The following TXNRD1 variants were observed in gnomAD, a reference collection of about 807,000 sequenced individuals.
TXNRD1 encodes thioredoxin reductase 1, cytoplasmic.
In TXNRD1, 57 loss-of-function variants were observed where a neutral mutation model predicts 80.3. That is an observed-to-expected ratio of 0.71 (90% confidence interval 0.57 to 0.89). The LOEUF (loss-of-function observed/expected upper bound fraction) is 0.89, where lower values mean the gene tolerates loss of function less well. TXNRD1 is among the 40% of genes least tolerant of loss of function. The pLI, the probability that TXNRD1 is intolerant of heterozygous loss-of-function variation, is 0.00. For synonymous variants in TXNRD1, 291 were observed against 285.2 expected (o/e 1.02, Z -0.20); for missense variants, 730 against 803.0 (o/e 0.91, Z 1.10).
intron 15 of TXNRD1, among the ~76,000 whole-genome samples, chr12:104,338,585 T>C (rs960360280): frequency 6.1e-5 from 9 of 148,286 alleles, no homozygotes; most frequent in African/African-American, 1.7e-4. Context: ...TAGTCCCAGC[T>C]ACTCGGGAGG....
At chr12:104,294,350 G>A (rs751598997) in intron 4 of TXNRD1, among the ~76,000 whole-genome samples, 62 of 151,784 alleles carry the variant, frequency 4.1e-4, no homozygotes, top group South Asian at 8.4e-4. Context: ...CCAGATGCTG[G>A]CATCACCGCT....
chr12:104,314,016 G>A lies in TXNRD1; in HGVS notation c.610+699G>A, dbSNP rs886752647. Among the ~76,000 whole-genome samples the A allele has an allele frequency of 2.0e-5, 3 of 152,238 alleles. No homozygotes were observed. In the South Asian group the frequency reaches 6.2e-4, roughly 32 times the overall value. On this transcript the variant is annotated intron_variant, in intron 6 of 16. Transcript: ENST00000525566. Reference sequence around the variant, plus strand: ...GAGAATGAGCCAGCTGTCAAAAGGTGAGGCAGAACCTTCCAGGCAGCTTCT... The same window carrying A: ...GAGAATGAGCCAGCTGTCAAAAGGTAAGGCAGAACCTTCCAGGCAGCTTCT...
intron 1 of TXNRD1, among the ~76,000 whole-genome samples, chr12:104,218,391 G>T (rs60903309): frequency 6.6e-6 from 1 of 151,866 alleles, no homozygotes; most frequent in Admixed American, 6.6e-5. Context: ...TACAAACGAA[G>T]TATATGCATG....
chr12:104,315,785 G>A lies in TXNRD1; in HGVS notation c.619G>A (p.Gly207Arg). 6.2e-7 allele frequency: 1 copy of A among 1,611,680 alleles called. No individual in the cohort carries two copies. Among genetic ancestry groups the A allele is most frequent in the Non-Finnish European group, 8.5e-7 (1 of 1,178,484 alleles). ...TPLGTRWGLGGTCVNVGCIPK... is the reference protein window; with the variant it reads ...TPLGTRWGLGRTCVNVGCIPK... Reference sequence around the variant, plus strand: ...TCTCAATGTTGTTGTAGGTCTCGGAGGAACATGTGTGAATGTGGGTTGCAT... The same window carrying A: ...TCTCAATGTTGTTGTAGGTCTCGGAAGAACATGTGTGAATGTGGGTTGCAT... Residue 207 changes from glycine to arginine, a missense_variant, in exon 7 of 17, where the codon GGA becomes AGA. Physicochemically the swap from Gly to Arg is moderately radical, Grantham distance 125 (BLOSUM62 -2). Transcript: ENST00000525566.
At chr12:104,244,037 G>T (rs1413082740) in intron 1 of TXNRD1, among the ~76,000 whole-genome samples, 3 of 152,166 alleles carry the variant, frequency 2.0e-5, no homozygotes, top group African/African-American at 7.2e-5. Context: ...CAGTTAAGTT[G>T]CATTCCTTAT....
intron 3 of TXNRD1, among the ~76,000 whole-genome samples, chr12:104,261,442 C>T (rs1384839520): frequency 6.6e-6 from 1 of 152,166 alleles, no homozygotes; most frequent in Admixed American, 6.6e-5. Context: ...GGATTACAGG[C>T]GTGAGCCACC....
At chr12:104,308,023 TCTCA>T (rs1233985038) in intron 4 of TXNRD1, among the ~76,000 whole-genome samples, 3 of 150,166 alleles carry the variant, frequency 2.0e-5, no homozygotes, top group African/African-American at 7.4e-5. Flanking sequence ...TGAGATGGAG[TCTCA>T]CTCTGTAGCC....
chr12:104,308,984 G>A (rs182027540), intron 4 of TXNRD1, among the ~76,000 whole-genome samples: 24 of 145,068 alleles, frequency 1.7e-4, no homozygotes, highest in African/African-American at 4.6e-4. Flanking sequence ...TGCAATCTCC[G>A]CCTCCTGGGT....
Position 104,334,291 on chromosome 12 carries a change from A to C in TXNRD1, c.1705A>C (p.Asn569His). The C allele has an allele frequency of 6.5e-7, 1 of 1,538,080 alleles. No individual in the cohort carries two copies. Among genetic ancestry groups the C allele is most frequent in the Non-Finnish European group, 8.8e-7 (1 of 1,139,024 alleles). ...LEWTIPSRDN[N>H]KCYAKIICNT... ...ATGGACGATTCCGTCAAGAGATAAC[A>C]ACAAATGTTATGCAAAAATAATCTG... Residue 569 changes from asparagine to histidine, a missense_variant, in exon 15 of 17, where the codon AAC becomes CAC. Physicochemically the swap from Asn to His is moderately conservative, Grantham distance 68. Transcript: ENST00000525566.
intron 1 of TXNRD1, among the ~76,000 whole-genome samples, chr12:104,244,505 G>A (rs1482918480): frequency 6.6e-6 from 1 of 151,952 alleles, no homozygotes; most frequent in South Asian, 2.1e-4. Flanking sequence ...ATTCTGTCAC[G>A]CCAATATAAC....
intron 6 of TXNRD1, among the ~76,000 whole-genome samples, chr12:104,314,250 A>G (rs564271368): frequency 6.6e-6 from 1 of 152,340 alleles, no homozygotes; most frequent in Admixed American, 6.5e-5. Context: ...ATCAGAGCAT[A>G]TAAATGAGCC....
At chr12:104,346,998 G>A (rs951467454) in intron 16 of TXNRD1, among the ~76,000 whole-genome samples, 1 of 152,144 alleles carries the variant, frequency 6.6e-6, no homozygotes, top group Non-Finnish European at 1.5e-5. Flanking sequence ...GGGAGGCTGA[G>A]GCAGGAGAAT....
intron 5 of TXNRD1, among the ~76,000 whole-genome samples, chr12:104,311,959 C>G (rs1212141756): frequency 1.3e-5 from 2 of 151,572 alleles, no homozygotes; most frequent in African/African-American, 2.4e-5. Context: ...CCAGCCTGGT[C>G]AACAGGAGCA....
At chr12:104,274,447 G>A (rs747195852) in intron 3 of TXNRD1, among the ~76,000 whole-genome samples, 2 of 152,118 alleles carry the variant, frequency 1.3e-5, no homozygotes, top group Non-Finnish European at 2.9e-5. Context: ...TGTAATCCTA[G>A]CACTTTGGGA....
At chr12:104,279,834 G>T (rs1006180732) in intron 3 of TXNRD1, among the ~76,000 whole-genome samples, 2 of 152,074 alleles carry the variant, frequency 1.3e-5, no homozygotes, top group African/African-American at 4.8e-5. Context: ...GGAGGCCGAG[G>T]AGGGTGGATC....
intron 2 of TXNRD1, among the ~76,000 whole-genome samples, chr12:104,253,976 A>T (rs2033185389): frequency 6.6e-6 from 1 of 152,210 alleles, no homozygotes; most frequent in Non-Finnish European, 1.5e-5. Context: ...TATAGGCGTG[A>T]GCCACTGCGC....
At chr12:104,279,005 C>CT (rs1198610543) in intron 3 of TXNRD1, among the ~76,000 whole-genome samples, 1 of 152,166 alleles carries the variant, frequency 6.6e-6, no homozygotes, top group African/African-American at 2.4e-5. Flanking sequence ...ATATTAAGTG[C>CT]TGGGAACATG....
At chr12:104,287,469 T>G in intron 3 of TXNRD1, 2 of 1,610,358 alleles carry the variant, frequency 1.2e-6, no homozygotes, top group Non-Finnish European at 1.7e-6. Context: ...AGTCTTGAAA[T>G]GTAGATGACA....
chr12:104,217,819 A>C (rs12423271), intron 1 of TXNRD1, among the ~76,000 whole-genome samples: 19 of 151,998 alleles, frequency 1.3e-4, no homozygotes, highest in Admixed American at 1.2e-3. Context: ...TGCTTATATA[A>C]GTTGGTATCA....
Sources: gnomAD v4.1 joint callset for allele counts (sites outside exome capture counted in the v4.1 genomes callset) on GRCh38, gnomAD v4.1.1 for gene constraint, MANE v1.5 for transcripts, NCBI Gene and HGNC (gene_info 2026-07-23, HGNC 2026-07-21) for gene names.